Variants in AP3B1 observed in about 807,000 individuals in gnomAD.
The protein encoded by AP3B1 is AP-3 complex subunit beta-1.
AP3B1 carries 61 observed loss-of-function variants against 132.5 expected under a neutral mutation model. The observed-to-expected ratio is 0.46, with a 90% CI of 0.37 to 0.57. The LOEUF (loss-of-function observed/expected upper bound fraction) is 0.57. AP3B1 is among the 20% of genes least tolerant of loss of function. The probability of loss-of-function intolerance (pLI) is 0.00; values close to 1 mark genes in which losing one functional copy is unlikely to be tolerated. For missense variants in AP3B1, 1,120 were observed against 1,289.4 expected (o/e 0.87, Z 2.01); for synonymous variants, 388 against 438.3 (o/e 0.89, Z 1.43).
intron 22 of AP3B1, among the ~76,000 whole-genome samples, chr5:78,078,489 T>G (rs1277473949): frequency 6.6e-6 from 1 of 152,214 alleles, no homozygotes; most frequent in Admixed American, 6.5e-5. Flanking sequence ...TTTTGTACAC[T>G]AGCTATATCT....
intron 11 of AP3B1, among the ~76,000 whole-genome samples, chr5:78,174,254 G>A (rs1561457227): frequency 1.3e-5 from 2 of 152,162 alleles, no homozygotes; most frequent in African/African-American, 4.8e-5. Flanking sequence ...TCCTTTGTAG[G>A]AGAAGAGGTC....
chr5:78,257,977 A>T (rs1747920154), intron 2 of AP3B1, among the ~76,000 whole-genome samples: 1 of 152,210 alleles, frequency 6.6e-6, no homozygotes, highest in Non-Finnish European at 1.5e-5. Context: ...ACAAAATTAG[A>T]TCCCTATCTC....
At chr5:78,231,673 TGTTAA>T (rs1746658973) in intron 3 of AP3B1, among the ~76,000 whole-genome samples, 1 of 152,204 alleles carries the variant, frequency 6.6e-6, no homozygotes, top group Non-Finnish European at 1.5e-5. Context: ...CACCACCAGT[TGTTAA>T]GTTAAATCCC....
intron 7 of AP3B1, among the ~76,000 whole-genome samples, chr5:78,189,720 A>G (rs1187507624): frequency 6.6e-6 from 1 of 151,798 alleles, no homozygotes; most frequent in Non-Finnish European, 1.5e-5. Flanking sequence ...AAATACAAAA[A>G]TTAGCCAGGC....
intron 1 of AP3B1, among the ~76,000 whole-genome samples, chr5:78,290,333 T>G (rs1032656491): frequency 6.6e-6 from 1 of 151,752 alleles, no homozygotes; most frequent in South Asian, 2.1e-4. Context: ...GCAATCCTCC[T>G]GCCTGGGCCT....
intron 6 of AP3B1, among the ~76,000 whole-genome samples, chr5:78,223,836 T>C (rs543885740): frequency 9.6e-4 from 146 of 152,326 alleles, no homozygotes; most frequent in Non-Finnish European, 1.9e-3. Context: ...CAGTTCTATC[T>C]GATTCAAACG....
chr5:78,183,392 A>T (rs181683458), intron 7 of AP3B1, among the ~76,000 whole-genome samples: 90 of 152,318 alleles, frequency 5.9e-4, no homozygotes, highest in African/African-American at 2.1e-3. Context: ...AAAATCACTC[A>T]TCATTCCAAG....
chr5:78,148,854 G>A (rs147728283), intron 14 of AP3B1, among the ~76,000 whole-genome samples: 125 of 152,112 alleles, frequency 8.2e-4, no homozygotes, highest in Non-Finnish European at 1.4e-3. Context: ...TTAGCTATTG[G>A]TTAGACAAGT....
intron 22 of AP3B1, among the ~76,000 whole-genome samples, chr5:78,073,426 G>A (rs118131209): frequency 0.027 from 4,091 of 152,156 alleles, 169 homozygotes; most frequent in East Asian, 0.14. Flanking sequence ...ATACCATAAT[G>A]CTTAAAAACT....
At chr5:78,130,038 C>T (rs1220970877) in intron 15 of AP3B1, among the ~76,000 whole-genome samples, 1 of 152,046 alleles carries the variant, frequency 6.6e-6, no homozygotes, top group Admixed American at 6.6e-5. Flanking sequence ...GTAGCTTTTA[C>T]ACCATAATAA....
chr5:78,174,654 G>C (rs940213791), intron 11 of AP3B1, among the ~76,000 whole-genome samples: 17 of 152,348 alleles, frequency 1.1e-4, no homozygotes, highest in African/African-American at 3.1e-4. Context: ...AGTGGGAGGT[G>C]TCTCCCAGTT....
At chr5:78,075,207 T>A (rs1749715799) in intron 22 of AP3B1, among the ~76,000 whole-genome samples, 1 of 152,106 alleles carries the variant, frequency 6.6e-6, no homozygotes, top group Non-Finnish European at 1.5e-5. Context: ...GGAGGATATA[T>A]CTAAGATAAG....
At chr5:78,059,212 T>C (rs1748940811) in intron 22 of AP3B1, among the ~76,000 whole-genome samples, 1 of 152,160 alleles carries the variant, frequency 6.6e-6, no homozygotes, top group South Asian at 2.1e-4. Context: ...ATTGCTGGCT[T>C]TGAAGGTGGA....
At chr5:78,020,854 TAAATC>T (rs1421562662) in intron 24 of AP3B1, 65 bp from the exon 25 acceptor site, 1 of 1,294,398 alleles carries the variant, frequency 7.7e-7, no homozygotes, top group African/African-American at 1.5e-5. Context: ...ACTAAGTAGT[TAAATC>T]AATGCAATGA....
chr5:78,033,681 T>A, intron 24 of AP3B1, among the ~76,000 whole-genome samples: 1 of 152,084 alleles, frequency 6.6e-6, no homozygotes, highest in Non-Finnish European at 1.5e-5. Flanking sequence ...TAATTCTCAA[T>A]GATGCATGAA....
intron 26 of AP3B1, among the ~76,000 whole-genome samples, chr5:78,014,603 A>T (rs1451705362): frequency 6.6e-6 from 1 of 152,078 alleles, no homozygotes; most frequent in Admixed American, 6.6e-5. Flanking sequence ...TTGATGCTAA[A>T]TTTGTTTTCT....
At chr5:78,091,273 T>C (rs1317704154) in intron 21 of AP3B1, among the ~76,000 whole-genome samples, 1 of 133,580 alleles carries the variant, frequency 7.5e-6, no homozygotes, top group Non-Finnish European at 1.6e-5. Context: ...ATACATGTAT[T>C]TGACAAAAAA....
At chr5:78,110,693 T>C (rs997491299) in intron 19 of AP3B1, among the ~76,000 whole-genome samples, 1 of 151,390 alleles carries the variant, frequency 6.6e-6, no homozygotes, top group African/African-American at 2.4e-5. Context: ...CCTGTGTGTG[T>C]GTGTGTGTGT....
At chr5:78,113,651 CT>C in intron 19 of AP3B1, 100 bp downstream of exon 19, 3 of 1,356,686 alleles carry the variant, frequency 2.2e-6, no homozygotes, top group South Asian at 1.2e-5. Context: ...AAAATACACA[CT>C]TTTTTTCTCT....
Sources: allele counts gnomAD v4.1 joint callset (sites outside exome capture counted in the v4.1 genomes callset), GRCh38; gene constraint gnomAD v4.1.1; transcripts MANE v1.5; gene names NCBI Gene and HGNC (gene_info 2026-07-23, HGNC 2026-07-21).